The following E2F3 variants were observed in gnomAD, a reference collection of about 807,000 sequenced individuals.
The protein encoded by E2F3 is E2F transcription factor 3, also known as transcription factor E2F3.
Under a neutral mutation model 44.4 loss-of-function variants are expected in E2F3, and 11 were observed. That is an observed-to-expected ratio of 0.25 (90% CI 0.16 to 0.41). E2F3 has a LOEUF of 0.41. Among genes scored for constraint, E2F3 ranks in the 10% least tolerant of loss-of-function variants. The pLI is 1.00. For synonymous variants in E2F3, 249 were observed against 253.0 expected (o/e 0.98, Z 0.15); for missense variants, 487 against 583.6 (o/e 0.83, Z 1.70).
chr6:20,479,129 G>A (rs1762137594), intron 1 of E2F3, among the ~76,000 whole-genome samples: 1 of 152,232 alleles, frequency 6.6e-6, no homozygotes, highest in Non-Finnish European at 1.5e-5. Flanking sequence ...AATGGAGAAA[G>A]TAATAGTGGT....
At chr6:20,486,846 G>C (rs975529111) in intron 5 of E2F3, 43 bp downstream of exon 5, 2 of 1,318,458 alleles carry the variant, frequency 1.5e-6, no homozygotes, top group Admixed American at 2.0e-5. Flanking sequence ...GATCTTTGTG[G>C]AATGCCTGAA....
rs895132746 is a variant in E2F3, at chr6:20,402,752, G to A, written c.393+127G>A. The A allele has an allele frequency of 9.6e-6, 12 of 1,246,428 alleles. No homozygotes were observed. The highest frequency in any genetic ancestry group is 3.2e-5 in the South Asian group (1 of 30,848). 77.2% of individuals were successfully genotyped at this position (1,246,428 alleles called of 1,614,324 possible). On this transcript the variant is annotated intron_variant, in intron 1 of 6. Coordinates refer to ENST00000346618, the MANE Select transcript of E2F3 (RefSeq NM_001949.5). The surrounding 1 kb of genome is among the most constrained non-coding windows in gnomAD (Gnocchi z 5.6). ...CCGAGCATCGTGGGCCTCGGGGGCT[G>A]CCCCTCCAACGAGGGTTCATTGTTA...
chr6:20,452,361 T>A (rs1184797772), intron 1 of E2F3: 1 of 152,194 alleles, frequency 6.6e-6, no homozygotes, highest in Non-Finnish European at 1.5e-5. Flanking sequence ...AGTGGACTAT[T>A]TTTGTTTTTT....
chr6:20,427,455 G>C (rs142283993), intron 1 of E2F3, among the ~76,000 whole-genome samples: 7 of 152,300 alleles, frequency 4.6e-5, no homozygotes, highest in Middle Eastern at 3.4e-3. Context: ...TTGCAGTGTA[G>C]TCAGGCACCA....
intron 4 of E2F3, among the ~76,000 whole-genome samples, chr6:20,484,762 A>C (rs1242902181): frequency 6.6e-6 from 1 of 152,222 alleles, no homozygotes; most frequent in African/African-American, 2.4e-5. Flanking sequence ...TTTCTGGAGT[A>C]GTAGTTCCAT....
At chr6:20,413,976 C>T (rs1759759185) in intron 1 of E2F3, among the ~76,000 whole-genome samples, 1 of 152,128 alleles carries the variant, frequency 6.6e-6, no homozygotes, top group Admixed American at 6.5e-5. Flanking sequence ...CTGGGGTGTG[C>T]ACTGTGTGGA....
intron 1 of E2F3, among the ~76,000 whole-genome samples, chr6:20,410,801 T>C (rs930742186): frequency 2.6e-5 from 4 of 152,180 alleles, no homozygotes; most frequent in African/African-American, 9.7e-5. Flanking sequence ...TTTGTATTTT[T>C]AGTAGGGACG....
At chr6:20,409,679 G>T (rs1356658182) in intron 1 of E2F3, among the ~76,000 whole-genome samples, 1 of 152,200 alleles carries the variant, frequency 6.6e-6, no homozygotes. Flanking sequence ...CTCTTTAAGA[G>T]GAAATTGTCA....
In E2F3 at chr6:20,490,571, T is replaced by A; in HGVS notation, c.*141T>A. On this transcript the variant is annotated 3_prime_UTR_variant, in exon 7 of 7. Transcript: ENST00000346618. The surrounding 1 kb of genome is among the most constrained non-coding windows in gnomAD (Gnocchi z 4.3). ...TAAACTACAAACTTCAGAAGAAAGC[T>A]GACATTTTAATGAATTTTTTAAAAA... is the stretch of plus-strand genomic sequence containing the variant. 1.1e-6 allele frequency: 1 copy of A among 872,560 alleles called. No homozygotes were observed. The highest frequency in any genetic ancestry group is 1.6e-6 in the Non-Finnish European group (1 of 618,646). 54.1% of individuals were successfully genotyped at this position (872,560 alleles called of 1,614,324 possible). A position where few individuals can be genotyped will look rare whatever the true frequency, so the allele number is the denominator to read the frequency against.
At chr6:20,424,794 T>A (rs1206040490) in intron 1 of E2F3, among the ~76,000 whole-genome samples, 1 of 152,096 alleles carries the variant, frequency 6.6e-6, no homozygotes, top group East Asian at 1.9e-4. Flanking sequence ...ACCTTGAGAG[T>A]TGGTGCCAAT....
At chr6:20,474,387 C>T (rs16883859) in intron 1 of E2F3, among the ~76,000 whole-genome samples, 3,987 of 152,266 alleles carry the variant, frequency 0.026, 108 homozygotes, top group African/African-American at 0.061. Context: ...AAAGTACTGC[C>T]GGAAGGTGCC....
In E2F3 at chr6:20,491,606, T is replaced by C. The variant is rs1180371486; in HGVS notation, c.*1176T>C. The C allele has an allele frequency of 1.0e-5, 2 of 196,812 alleles. No homozygotes were observed. Among genetic ancestry groups the C allele is most frequent in the African/African-American group, 2.3e-5 (1 of 43,214 alleles). 12.2% of individuals were successfully genotyped at this position (196,812 alleles called of 1,614,324 possible). ...CCTGTGACAGGGGAAAGGGCTCTCTTACACCGCACTCAGGGAGACCACTTC... is the reference window on the plus strand; with the variant it reads ...CCTGTGACAGGGGAAAGGGCTCTCTCACACCGCACTCAGGGAGACCACTTC... On this transcript the variant is annotated 3_prime_UTR_variant, in exon 7 of 7. Coordinates refer to ENST00000346618, the MANE Select transcript of E2F3 (RefSeq NM_001949.5).
intron 1 of E2F3, among the ~76,000 whole-genome samples, chr6:20,469,866 T>A (rs975113919): frequency 2.2e-4 from 34 of 152,158 alleles, no homozygotes; most frequent in African/African-American, 8.0e-4. Flanking sequence ...AGGATGCTAC[T>A]CTCATTAGAT....
chr6:20,489,969 A>T (rs893362874), intron 6 of E2F3, among the ~76,000 whole-genome samples, 199 bp from the exon 7 acceptor site: 2 of 152,170 alleles, frequency 1.3e-5, no homozygotes, highest in African/African-American at 4.8e-5. Flanking sequence ...TGTCTCAAAA[A>T]TTAAAAGGGG....
chr6:20,418,352 T>C (rs1759918719), intron 1 of E2F3, among the ~76,000 whole-genome samples: 1 of 152,262 alleles, frequency 6.6e-6, no homozygotes, highest in African/African-American at 2.4e-5. Context: ...TCTTGCTTTT[T>C]ATTTCTTATA....
At chr6:20,450,476 G>GT (rs1031480047) in intron 1 of E2F3, among the ~76,000 whole-genome samples, 1 of 151,920 alleles carries the variant, frequency 6.6e-6, no homozygotes, top group African/African-American at 2.4e-5. Context: ...GGGGCTGTTT[G>GT]TTTTTTTCTT....
chr6:20,446,774 G>A (rs1381719223), intron 1 of E2F3, among the ~76,000 whole-genome samples: 1 of 152,068 alleles, frequency 6.6e-6, no homozygotes, highest in Non-Finnish European at 1.5e-5. Flanking sequence ...CACCATGTTG[G>A]CCAGGCTGGT....
intron 1 of E2F3, among the ~76,000 whole-genome samples, chr6:20,430,649 G>A (rs1451644779): frequency 6.6e-6 from 1 of 152,172 alleles, no homozygotes; most frequent in Non-Finnish European, 1.5e-5. Context: ...TTTATGGGTT[G>A]GCTTCTAGAG....
intron 1 of E2F3, among the ~76,000 whole-genome samples, chr6:20,458,570 T>G (rs1332174629): frequency 6.6e-6 from 1 of 152,210 alleles, no homozygotes; most frequent in African/African-American, 2.4e-5. Context: ...TTAAGAAAAC[T>G]GAATTCTCTT....
Sources: allele counts gnomAD v4.1 joint callset (sites outside exome capture counted in the v4.1 genomes callset), GRCh38; gene constraint gnomAD v4.1.1; non-coding constraint Gnocchi (gnomAD v3.1); transcripts MANE v1.5; gene names NCBI Gene and HGNC (gene_info 2026-07-23, HGNC 2026-07-21).